KIF24: variants seen among roughly 807,000 people sequenced by gnomAD.
The protein encoded by KIF24 is kinesin family member 24, also known as kinesin-like protein KIF24.
A neutral mutation model predicts 118.9 loss-of-function variants in KIF24; 81 were observed. That is an observed-to-expected ratio of 0.68 (90% confidence interval 0.57 to 0.82). KIF24 has a LOEUF of 0.82. Among genes scored for constraint, KIF24 ranks in the 40% least tolerant of loss-of-function variants. The pLI is 0.00. For synonymous variants in KIF24, 599 were observed against 610.0 expected, an observed-to-expected ratio of 0.98 and a Z score of 0.27; for missense variants, 1,560 against 1,661.6, an observed-to-expected ratio of 0.94 and a Z score of 1.06.
In KIF24 at chr9:34,286,656, C is replaced by A; in HGVS notation, c.1176G>T (p.Leu392=). Residue 392 remains leucine, a synonymous_variant, in exon 6 of 13, where the codon CTG becomes CTT. Transcript: ENST00000402558. ...DSKHMVQIVG[L]QELQVDSVEL... is the part of the protein sequence containing the mutation. ...CCACACTGTCCACCTGAAGCTCTTGCAGTCCCACTATCTGCACCATGTGCT... is the reference window on the plus strand; with the variant it reads ...CCACACTGTCCACCTGAAGCTCTTGAAGTCCCACTATCTGCACCATGTGCT... 1.2e-6 allele frequency: 2 copies of A among 1,613,522 alleles called. No homozygotes were observed. Among genetic ancestry groups the A allele is most frequent in the Non-Finnish European group, 1.7e-6 (2 of 1,179,530 alleles).
Position 34,311,131 on chromosome 9 carries a change from A to G in KIF24, c.216T>C (p.Ser72=). 1.9e-6 allele frequency: 3 copies of G among 1,613,780 alleles called. No homozygotes were observed. The highest frequency in any genetic ancestry group is 2.5e-6 in the Non-Finnish European group (3 of 1,179,712). Residue 72 remains serine (S), a synonymous_variant, in exon 2 of 13, where the codon AGT becomes AGC. Coordinates refer to ENST00000402558, the MANE Select transcript of KIF24 (RefSeq NM_194313.4). ...TTGTCTGAAGATGACGCTCTGGGATACTGACTGCTTTATCTTCTTCTTGCA... is the reference window on the plus strand; with the variant it reads ...TTGTCTGAAGATGACGCTCTGGGATGCTGACTGCTTTATCTTCTTCTTGCA... ...KIMQEEDKAV[S]IPERHLQTSS... is the part of the protein sequence containing the mutation.
chr9:34,265,271 T>A (rs185345960), intron 8 of KIF24, among the ~76,000 whole-genome samples: 29 of 152,272 alleles, frequency 1.9e-4, no homozygotes, highest in African/African-American at 7.0e-4. Flanking sequence ...TGGACTCAAG[T>A]GATCCTCTCA....
intron 1 of KIF24, among the ~76,000 whole-genome samples, chr9:34,325,337 TTC>T (rs1172400597): frequency 4.3e-5 from 5 of 116,744 alleles, no homozygotes; most frequent in Middle Eastern, 4.1e-3. Context: ...AGGGTGAGAC[TTC>T]GTCTCAAAAA....
chr9:34,311,718 G>GTA (rs1167814000), intron 1 of KIF24, among the ~76,000 whole-genome samples: 11 of 134,050 alleles, frequency 8.2e-5, no homozygotes, highest in African/African-American at 2.2e-4. Context: ...ACGTATATAT[G>GTA]TATATACACG....
In KIF24 at chr9:34,257,666, A is replaced by C. The variant is rs1400791084; in HGVS notation, c.1941T>G (p.Pro647=). Residue 647 remains proline (P), a synonymous_variant, in exon 11 of 13, where the codon CCT becomes CCG. Transcript: ENST00000402558. ...GTCCAGAGCGCACAGTTCCTTTCACAGGGCTAGCATGAATGACCCACTCTT... is the reference window on the plus strand; with the variant it reads ...GTCCAGAGCGCACAGTTCCTTTCACCGGGCTAGCATGAATGACCCACTCTT... The part of the protein sequence containing the change: ...PSQEWVIHAS[P]VKGTVRSGHV... 3.1e-6 allele frequency: 5 copies of C among 1,614,036 alleles called. No homozygotes were observed. Among genetic ancestry groups the C allele is most frequent in the Non-Finnish European group, 4.2e-6 (5 of 1,179,898 alleles).
chr9:34,279,356 A>G (rs1252627576), intron 6 of KIF24, among the ~76,000 whole-genome samples: 6 of 152,226 alleles, frequency 3.9e-5, no homozygotes, highest in Non-Finnish European at 8.8e-5. Flanking sequence ...CAATGATAAA[A>G]CATGAAACAA....
At chr9:34,287,763 G>C (rs1444036035) in intron 5 of KIF24, among the ~76,000 whole-genome samples, 2 of 152,092 alleles carry the variant, frequency 1.3e-5, no homozygotes, top group Non-Finnish European at 2.9e-5. Flanking sequence ...GGATGCAGTG[G>C]TGTGTGTCTG....
Position 34,254,247 on chromosome 9 carries a change from G to A in KIF24, c.*133C>T, listed in dbSNP as rs901186250. ...CTATCTGAAGCCACGTGGGGCTGGG[G>A]TGACGCTAGCATAGGCAGGACCAGC... is the stretch of plus-strand genomic sequence containing the variant. On this transcript the variant is annotated 3_prime_UTR_variant, in exon 13 of 13. Transcript: ENST00000402558. The A allele has an allele frequency of 9.9e-7, 1 of 1,013,368 alleles. No homozygotes were observed. Among genetic ancestry groups the A allele is most frequent in the East Asian group, 2.9e-5 (1 of 34,942 alleles). The allele number at this position is 1,013,368 out of a possible 1,614,324, so 62.8% of individuals were successfully genotyped here. A position where few individuals can be genotyped will look rare whatever the true frequency, so the allele number is the denominator to read the frequency against.
intron 5 of KIF24, among the ~76,000 whole-genome samples, chr9:34,289,074 G>C (rs1289030167): frequency 6.6e-6 from 1 of 152,146 alleles, no homozygotes; most frequent in Non-Finnish European, 1.5e-5. Flanking sequence ...CCCCAGAGTA[G>C]CACCCTCTTT....
intron 3 of KIF24, among the ~76,000 whole-genome samples, chr9:34,301,997 CTTTT>C (rs778142590): frequency 7.3e-6 from 1 of 137,664 alleles, no homozygotes; most frequent in African/African-American, 2.7e-5. Flanking sequence ...ATTTTTTTTT[CTTTT>C]TTTTTTTTTT....
At chr9:34,331,589 C>T (rs1452093891), upstream of KIF24, among the ~76,000 whole-genome samples, 6 of 152,162 alleles carry the variant, frequency 3.9e-5, no homozygotes, top group Admixed American at 1.3e-4. Flanking sequence ...GGAATGTGAG[C>T]TGCAGAGGTA....
At position 34,257,974 on chromosome 9, in the gene KIF24, C is replaced by T; in HGVS notation, c.1633G>A (p.Glu545Lys). 6.3e-7 allele frequency: 1 copy of T among 1,585,342 alleles called. No individual in the cohort carries two copies. Among genetic ancestry groups the T allele is most frequent in the South Asian group, 1.1e-5 (1 of 87,148 alleles). Residue 545 changes from glutamate (E) to lysine (K), a missense_variant, in exon 11 of 13, where the codon GAA becomes AAA. By Grantham distance (56) the Glu-to-Lys change is moderately conservative. Coordinates refer to ENST00000402558, the MANE Select transcript of KIF24 (RefSeq NM_194313.4). ...CAACACTTAATGCCTTTCTTTAGTT[C>T]TTTGACCCTGTAAATAATCATTTTA... ...NTLRYADRVKELKKGIKCCTS... is the reference protein window; with the variant it reads ...NTLRYADRVKKLKKGIKCCTS...
chr9:34,323,296 C>T (rs1184021660), intron 1 of KIF24, among the ~76,000 whole-genome samples: 4 of 152,146 alleles, frequency 2.6e-5, no homozygotes, highest in Non-Finnish European at 4.4e-5. Flanking sequence ...GGTTAAGTAG[C>T]TAATGCTCTA....
intron 4 of KIF24, among the ~76,000 whole-genome samples, chr9:34,291,063 C>A (rs1276697658): frequency 1.3e-5 from 2 of 152,184 alleles, no homozygotes; most frequent in East Asian, 1.9e-4. Flanking sequence ...TACTATTAAT[C>A]TGAAAAGTTA....
chr9:34,319,528 G>A lies in KIF24; in HGVS notation c.-25-8157C>T, dbSNP rs537105475. ...GACATCTATGGGAGCAAGGAGCTGC[G>A]CAGCCCCAAGCTGTTCTACTCCGAC... On this transcript the variant is annotated intron_variant, in intron 1 of 12. Transcript: ENST00000402558. 17 of 1,196,112 alleles carry A rather than the reference G, an allele frequency of 1.4e-5. No individual in the cohort carries two copies. In the Admixed American group the frequency reaches 2.0e-4, roughly 14 times the overall value. The allele number at this position is 1,196,112 out of a possible 1,614,324, so 74.1% of individuals were successfully genotyped here. A position where few individuals can be genotyped will look rare whatever the true frequency, so the allele number is the denominator to read the frequency against.
upstream of KIF24, among the ~76,000 whole-genome samples, chr9:34,331,792 A>G (rs1837945616): frequency 6.6e-6 from 1 of 152,246 alleles, no homozygotes; most frequent in African/African-American, 2.4e-5. Flanking sequence ...TGGATAGACT[A>G]TAGCACTTCA....
At position 34,316,337 on chromosome 9, in the gene KIF24, T is replaced by TA. The variant is rs76592313; in HGVS notation, c.-25-4967dup. Among the ~76,000 whole-genome samples, 551 of 140,356 alleles carry TA rather than the reference T, an allele frequency of 3.9e-3. 1 individual carries two copies. Among genetic ancestry groups the TA allele is most frequent in the Non-Finnish European group, 3.9e-3 (250 of 63,890 alleles). 92.1% of individuals were successfully genotyped at this position (140,356 alleles called of 152,430 possible). On this transcript the variant is annotated intron_variant, in intron 1 of 12. Coordinates refer to ENST00000402558, the MANE Select transcript of KIF24 (RefSeq NM_194313.4). ...GTCTGGCAATAGAGCGAGACTCTAT[T>TA]AAAAAAAAAAAAAAGTTCCATTATG...
chr9:34,326,464 T>C (rs1169840954), intron 1 of KIF24, among the ~76,000 whole-genome samples: 1 of 152,216 alleles, frequency 6.6e-6, no homozygotes. Context: ...TAGATGATGA[T>C]AATCACTACC....
chr9:34,261,076 G>A (rs1045874833), intron 9 of KIF24, among the ~76,000 whole-genome samples: 2 of 152,176 alleles, frequency 1.3e-5, no homozygotes, highest in Non-Finnish European at 2.9e-5. Flanking sequence ...TCATGTTTGA[G>A]AAGACCTAAC....
Sources: allele counts gnomAD v4.1 joint callset (sites outside exome capture counted in the v4.1 genomes callset), GRCh38; gene constraint gnomAD v4.1.1; transcripts MANE v1.5; gene names NCBI Gene and HGNC (gene_info 2026-07-23, HGNC 2026-07-21).